The following PRKG1 variants were observed in gnomAD, a reference collection of about 807,000 sequenced individuals.
The protein encoded by PRKG1 is cGMP-dependent protein kinase 1.
Under a neutral mutation model 88.1 loss-of-function variants are expected in PRKG1, and 35 were observed. That is an observed-to-expected ratio of 0.40 (90% CI 0.30 to 0.53). The LOEUF is 0.53. Among genes scored for constraint, PRKG1 ranks in the 20% least tolerant of loss-of-function variants. The probability of loss-of-function intolerance (pLI) is 0.59; values close to 1 mark genes in which losing one functional copy is unlikely to be tolerated. For synonymous variants in PRKG1, 303 were observed against 292.5 expected (o/e 1.04, Z -0.37); for missense variants, 540 against 839.8 (o/e 0.64, Z 4.41).
chr10:51,030,163 AT>A (rs1843264262), intron 1 of PRKG1, among the ~76,000 whole-genome samples: 1 of 152,096 alleles, frequency 6.6e-6, no homozygotes, highest in South Asian at 2.1e-4. Flanking sequence ...CACTGTATTT[AT>A]CTTTAGGGTC....
intron 2 of PRKG1, among the ~76,000 whole-genome samples, chr10:51,253,281 T>C (rs923143914): frequency 2.0e-5 from 3 of 151,936 alleles, no homozygotes; most frequent in Admixed American, 6.6e-5. Context: ...GAAGAACTAC[T>C]TCACCAAATG....
At chr10:51,585,326 G>C (rs1838146170) in intron 3 of PRKG1, among the ~76,000 whole-genome samples, 1 of 152,062 alleles carries the variant, frequency 6.6e-6, no homozygotes, top group South Asian at 2.1e-4. Context: ...ATTCAAAGCT[G>C]ATTCTGGTTG....
At chr10:51,931,126 A>T (rs1312048446) in intron 5 of PRKG1, among the ~76,000 whole-genome samples, 1 of 152,160 alleles carries the variant, frequency 6.6e-6, no homozygotes, top group East Asian at 1.9e-4. Flanking sequence ...TGCGCAGTTA[A>T]TTGGTCCATT....
chr10:51,954,564 G>A (rs1843258926), intron 5 of PRKG1, among the ~76,000 whole-genome samples: 1 of 152,134 alleles, frequency 6.6e-6, no homozygotes, highest in South Asian at 2.1e-4. Context: ...ATTTGCATGT[G>A]TTTGAGAAAA....
chr10:51,212,194 T>C (rs1838240417), intron 2 of PRKG1, among the ~76,000 whole-genome samples: 1 of 151,904 alleles, frequency 6.6e-6, no homozygotes, highest in African/African-American at 2.4e-5. Context: ...TTGACAAACC[T>C]GAGAAAAACA....
At chr10:51,488,674 C>T (rs536702586) in intron 3 of PRKG1, among the ~76,000 whole-genome samples, 134 of 152,188 alleles carry the variant, frequency 8.8e-4, no homozygotes, top group African/African-American at 3.0e-3. Flanking sequence ...AGAATGTGAA[C>T]GCTATGTGGC....
chr10:51,783,567 C>A (rs1022000273), intron 3 of PRKG1, among the ~76,000 whole-genome samples: 1 of 152,064 alleles, frequency 6.6e-6, no homozygotes, highest in African/African-American at 2.4e-5. Flanking sequence ...AAAGTGTGAG[C>A]CACTGCACGC....
At chr10:51,388,192 T>G (rs568006274) in intron 2 of PRKG1, among the ~76,000 whole-genome samples, 5 of 152,318 alleles carry the variant, frequency 3.3e-5, no homozygotes, top group Admixed American at 1.3e-4. Context: ...TTTCTTTTCA[T>G]TAGTAATGTA....
intron 9 of PRKG1, among the ~76,000 whole-genome samples, chr10:52,202,254 G>A (rs1839696430): frequency 6.6e-6 from 1 of 152,082 alleles, no homozygotes; most frequent in Non-Finnish European, 1.5e-5. Context: ...TTAACATGAA[G>A]GGATATTGAA....
intron 3 of PRKG1, among the ~76,000 whole-genome samples, chr10:51,505,129 A>C (rs1454799997): frequency 6.6e-6 from 1 of 152,092 alleles, no homozygotes; most frequent in Non-Finnish European, 1.5e-5. Context: ...AGCTCTTATT[A>C]TTTTGAGATA....
intron 2 of PRKG1, among the ~76,000 whole-genome samples, chr10:51,362,562 T>C (rs940348045): frequency 2.6e-5 from 4 of 151,928 alleles, no homozygotes; most frequent in African/African-American, 9.7e-5. Flanking sequence ...TACTAACACC[T>C]AGCATTATAT....
chr10:51,539,565 G>A (rs1032473318), intron 3 of PRKG1, among the ~76,000 whole-genome samples: 5 of 152,128 alleles, frequency 3.3e-5, no homozygotes, highest in African/African-American at 7.2e-5. Context: ...AGACTTGACC[G>A]ACTTCTAAAA....
At chr10:51,677,730 A>T (rs900005381) in intron 3 of PRKG1, among the ~76,000 whole-genome samples, 1 of 152,330 alleles carries the variant, frequency 6.6e-6, no homozygotes, top group East Asian at 1.9e-4. Context: ...CCAGGGTCTC[A>T]TCCCCCATTT....
intron 5 of PRKG1, among the ~76,000 whole-genome samples, chr10:51,929,346 CTTTTTTTTTTTT>C (rs67175480): frequency 5.5e-5 from 6 of 109,670 alleles, no homozygotes; most frequent in Admixed American, 5.1e-4. Context: ...GAATTCCTTC[CTTTTTTTTTTTT>C]TTTTTTTTTT....
chr10:51,440,473 T>G (rs2132746440), intron 2 of PRKG1, among the ~76,000 whole-genome samples: 1 of 152,010 alleles, frequency 6.6e-6, no homozygotes, highest in South Asian at 2.1e-4. Flanking sequence ...TGGGAACTAT[T>G]AAAATTAGGG....
chr10:51,253,588 C>T (rs777275435), intron 2 of PRKG1, among the ~76,000 whole-genome samples: 11 of 151,822 alleles, frequency 7.2e-5, no homozygotes, highest in Admixed American at 2.0e-4. Context: ...TTTCTGAATC[C>T]GATCAGCAAG....
intron 3 of PRKG1, among the ~76,000 whole-genome samples, chr10:51,721,932 A>G (rs1011348508): frequency 2.6e-5 from 4 of 152,172 alleles, no homozygotes; most frequent in African/African-American, 9.7e-5. Context: ...ATACTTTAAC[A>G]TTAAATTATT....
rs762636636 is a variant in PRKG1 at position 51,699,120 on chromosome 10, T to C, written c.593-105465T>C. Reference sequence around the variant, plus strand: ...TGGACACAGAGCTTCATCTGCTTCATCAGCTCAAACATCTGCTCCGGGGGG... The same window carrying C: ...TGGACACAGAGCTTCATCTGCTTCACCAGCTCAAACATCTGCTCCGGGGGG... On this transcript the variant is annotated intron_variant, in intron 3 of 17. Coordinates refer to ENST00000373980, the MANE Select transcript of PRKG1 (RefSeq NM_006258.4). The C allele has an allele frequency of 1.9e-5, 31 of 1,614,114 alleles. No homozygotes were observed. In the Admixed American group the frequency reaches 3.2e-4, roughly 16 times the overall value.
At chr10:52,145,418 A>T (rs750990922) in intron 8 of PRKG1, among the ~76,000 whole-genome samples, 49 of 152,206 alleles carry the variant, frequency 3.2e-4, no homozygotes, top group Non-Finnish European at 1.3e-4. Flanking sequence ...CTAAATCATA[A>T]ATATCCATCT....
Sources: allele counts gnomAD v4.1 joint callset (sites outside exome capture counted in the v4.1 genomes callset), GRCh38; gene constraint gnomAD v4.1.1; transcripts MANE v1.5; gene names NCBI Gene and HGNC (gene_info 2026-07-23, HGNC 2026-07-21).